The following DLGAP4 variants were observed in gnomAD, a reference collection of about 807,000 sequenced individuals.
DLGAP4 encodes the protein disks large-associated protein 4.
DLGAP4 carries 18 observed loss-of-function variants against 86.9 expected under a neutral mutation model. The observed-to-expected ratio is 0.21, with a 90% CI of 0.14 to 0.31. The LOEUF (loss-of-function observed/expected upper bound fraction) is 0.31. Ranked by LOEUF, DLGAP4 falls within the 10% of genes least tolerant of loss-of-function variation. The pLI is 1.00. For missense variants in DLGAP4, 1,085 were observed against 1,362.6 expected, an observed-to-expected ratio of 0.80 and a Z score of 3.21; for synonymous variants, 548 against 574.3, an observed-to-expected ratio of 0.95 and a Z score of 0.65.
intron 7 of DLGAP4, chr20:36,462,619 G>C: frequency 6.3e-7 from 1 of 1,587,334 alleles, no homozygotes; most frequent in Non-Finnish European, 8.6e-7. Context: ...GGGGTGTCCG[G>C]GTCGGGCCGG....
rs5841234 is a variant in DLGAP4 at position 36,430,955 on chromosome 20, TAA to T, written c.-72-673_-72-672del. ...GGGTAACAGAGTGAGACTCTGTCTC[TAA>T]AAAAAAAAAAAAAAAAAGACCTCTC... On this transcript the variant is annotated intron_variant, in intron 2 of 12. Coordinates refer to ENST00000339266, the MANE Select transcript of DLGAP4 (RefSeq NM_001365621.2). 8.3e-3 allele frequency among the ~76,000 whole-genome samples: 993 copies of T among 119,570 alleles called. 11 individuals carry two copies. Among genetic ancestry groups the T allele is most frequent in the East Asian group, 0.034 (136 of 4,018 alleles). 78.4% of individuals were successfully genotyped at this position (119,570 alleles called of 152,430 possible). A position where few individuals can be genotyped will look rare whatever the true frequency, so the allele number is the denominator to read the frequency against.
chr20:36,412,112 G>T (rs1040407195), intron 2 of DLGAP4, among the ~76,000 whole-genome samples: 38 of 152,236 alleles, frequency 2.5e-4, no homozygotes, highest in African/African-American at 9.2e-4. Flanking sequence ...CACAGAGCAG[G>T]CTCCATAAAT....
chr20:36,417,448 C>T (rs971961011), intron 2 of DLGAP4, among the ~76,000 whole-genome samples: 1 of 152,128 alleles, frequency 6.6e-6, no homozygotes, highest in Non-Finnish European at 1.5e-5. Flanking sequence ...GTGGCACAAT[C>T]ACGGCTCACT....
rs183397900 is a variant in DLGAP4 at position 36,411,279 on chromosome 20, G to A, written c.-72-20367G>A. Among the ~76,000 whole-genome samples the A allele has an allele frequency of 8.5e-4, 129 of 152,214 alleles. 1 individual carries two copies. Among genetic ancestry groups the A allele is most frequent in the Admixed American group, 8.3e-3 (126 of 15,270 alleles). ...TGCAGGATTATAGACGTGGGCCACC[G>A]CGCCTGGCCTTCAATTCAAATTCTT... On this transcript the variant is annotated intron_variant, in intron 2 of 12. Coordinates refer to ENST00000339266, the MANE Select transcript of DLGAP4 (RefSeq NM_001365621.2).
chr20:36,346,468 G>C (rs2029942520), intron 1 of DLGAP4, among the ~76,000 whole-genome samples: 1 of 152,214 alleles, frequency 6.6e-6, no homozygotes, highest in African/African-American at 2.4e-5. Context: ...GAAAGAGTGG[G>C]ACGGATGTTG....
In DLGAP4 at chr20:36,526,547, A is replaced by G. The variant is rs137875133; in HGVS notation, c.2761-266A>G. Among the ~76,000 whole-genome samples, 269 of 152,118 alleles carry G rather than the reference A, an allele frequency of 1.8e-3. 3 individuals carry two copies. Among genetic ancestry groups the G allele is most frequent in the East Asian group, 6.4e-3 (33 of 5,124 alleles). On this transcript the variant is annotated intron_variant, in intron 12 of 12. Transcript: ENST00000339266. ...CGAGTCTCGGGCTCCCGGTGATTCA[A>G]CATGAGGGTGGACAATGGGATCTGC...
intron 2 of DLGAP4, among the ~76,000 whole-genome samples, chr20:36,395,336 G>A (rs1231708722): frequency 6.6e-6 from 1 of 152,168 alleles, no homozygotes; most frequent in Admixed American, 6.5e-5. Flanking sequence ...TGGGGGCAAG[G>A]ACTGTCTTCT....
chr20:36,348,834 C>T (rs994098528), intron 1 of DLGAP4, among the ~76,000 whole-genome samples: 2 of 151,554 alleles, frequency 1.3e-5, no homozygotes, highest in African/African-American at 2.4e-5. Context: ...GGCGTGGTGG[C>T]TTATGCCTGT....
intron 1 of DLGAP4, among the ~76,000 whole-genome samples, chr20:36,327,530 G>A (rs1166872369): frequency 6.6e-6 from 1 of 151,890 alleles, no homozygotes; most frequent in Non-Finnish European, 1.5e-5. Context: ...CTGCTAGGCC[G>A]AGGGATACCT....
At chr20:36,525,791 TGGG>T in intron 11 of DLGAP4, 57 bp from the exon 12 acceptor site, 3 of 1,596,612 alleles carry the variant, frequency 1.9e-6, no homozygotes, top group South Asian at 1.1e-5. Flanking sequence ...GTTGGGGGGT[TGGG>T]GGGAGCAGGA....
chr20:36,351,404 C>A (rs565549734), intron 1 of DLGAP4, among the ~76,000 whole-genome samples: 1 of 151,978 alleles, frequency 6.6e-6, no homozygotes, highest in Admixed American at 6.6e-5. Flanking sequence ...CATAGGAGCT[C>A]GAACCCTATT....
intron 7 of DLGAP4, chr20:36,462,219 C>CGAGG: frequency 1.7e-6 from 2 of 1,156,054 alleles, no homozygotes; most frequent in Non-Finnish European, 2.1e-6. Context: ...AATATGTCCT[C>CGAGG]AGCTCCCTGA....
intron 2 of DLGAP4, among the ~76,000 whole-genome samples, chr20:36,370,802 A>G (rs1014403119): frequency 2.4e-4 from 37 of 152,390 alleles, no homozygotes; most frequent in Middle Eastern, 3.4e-3. Context: ...CCTGGGCAAC[A>G]GAGCAAGACC....
chr20:36,499,651 G>A lies in DLGAP4; in HGVS notation c.2074G>A (p.Gly692Arg). Residue 692 changes from glycine (G) to arginine (R), a missense_variant, in exon 9 of 13, where the codon GGG becomes AGG. By Grantham distance (125) the Gly-to-Arg change is moderately radical. This residue lies in a region of DLGAP4 where 1,082 missense variants were observed against 1,344.1 expected (regional missense o/e 0.81). Transcript: ENST00000339266. ...PSPATKFQSI[G>R]VQVEDDWRSS... ...TCCCGCTACCAAATTCCAGTCCATCGGGGTTCAGGTAGAGGACGACTGGCG... is the reference window on the plus strand; with the variant it reads ...TCCCGCTACCAAATTCCAGTCCATCAGGGTTCAGGTAGAGGACGACTGGCG... 4 of 1,613,784 alleles carry A rather than the reference G, an allele frequency of 2.5e-6. No homozygotes were observed. Among genetic ancestry groups the A allele is most frequent in the South Asian group, 1.1e-5 (1 of 90,928 alleles).
chr20:36,402,471 C>G (rs899633478), intron 2 of DLGAP4, among the ~76,000 whole-genome samples: 2 of 152,158 alleles, frequency 1.3e-5, no homozygotes, highest in African/African-American at 4.8e-5. Context: ...TACAGTAATT[C>G]AGGCAGTGGC....
chr20:36,388,446 G>A lies in DLGAP4; in HGVS notation c.-73+21171G>A, dbSNP rs2031675879. 2.6e-5 allele frequency among the ~76,000 whole-genome samples: 4 copies of A among 152,056 alleles called. No homozygotes were observed. The South Asian group carries it at 8.3e-4, about 32-fold the overall frequency. On this transcript the variant is annotated intron_variant, in intron 2 of 12. Coordinates refer to ENST00000339266, the MANE Select transcript of DLGAP4 (RefSeq NM_001365621.2). ...CCAGAACACACGTCCCTCCCCCGTG[G>A]CCCACCCTTCATTGACCTCAGAGAG...
chr20:36,412,468 G>A lies in DLGAP4; in HGVS notation c.-72-19178G>A, dbSNP rs559538876. On this transcript the variant is annotated intron_variant, in intron 2 of 12. Coordinates refer to ENST00000339266, the MANE Select transcript of DLGAP4 (RefSeq NM_001365621.2). ...CTGGACATTGTCTCCTGAGAGCTGA[G>A]AAGCAGCACAGGAAGCTCATTAGTG... Among the ~76,000 whole-genome samples the A allele has an allele frequency of 3.9e-5, 6 of 152,256 alleles. No individual in the cohort carries two copies. In the East Asian group the frequency reaches 1.2e-3, roughly 29 times the overall value.
At chr20:36,433,226 C>G (rs1451034327) in intron 3 of DLGAP4, among the ~76,000 whole-genome samples, 1 of 152,200 alleles carries the variant, frequency 6.6e-6, no homozygotes, top group Non-Finnish European at 1.5e-5. Context: ...AAAGAAGACA[C>G]AGTCCCAAAG....
At chr20:36,322,671 A>G (rs1459293630) in intron 1 of DLGAP4, among the ~76,000 whole-genome samples, 1 of 152,128 alleles carries the variant, frequency 6.6e-6, no homozygotes, top group African/African-American at 2.4e-5. Flanking sequence ...TGACTTTGCA[A>G]TAGGGTCACA....
Sources: gnomAD v4.1 joint callset for allele counts (sites outside exome capture counted in the v4.1 genomes callset) on GRCh38, gnomAD v4.1.1 for gene constraint, gnomAD v4.1.1 regional missense constraint, MANE v1.5 for transcripts, NCBI Gene and HGNC (gene_info 2026-07-23, HGNC 2026-07-21) for gene names.